Variants in SLA2 observed in about 807,000 individuals in gnomAD.
SLA2 encodes Src like adaptor 2.
Under a neutral mutation model 27.3 loss-of-function variants are expected in SLA2, and 22 were observed. The ratio of observed to expected loss-of-function variants is 0.81; its 90% confidence interval spans 0.58 to 1.15. The LOEUF (loss-of-function observed/expected upper bound fraction) is 1.15. Ranked by LOEUF, SLA2 falls within the 50% of genes most tolerant of loss-of-function variation. The probability of loss-of-function intolerance (pLI) is 0.00; values close to 1 mark genes in which losing one functional copy is unlikely to be tolerated. For missense variants in SLA2, 304 were observed against 322.2 expected, an observed-to-expected ratio of 0.94 and a Z score of 0.43; for synonymous variants, 131 against 137.8, an observed-to-expected ratio of 0.95 and a Z score of 0.34.
chr20:36,622,663 A>G (rs2039296631), intron 5 of SLA2, among the ~76,000 whole-genome samples: 1 of 152,084 alleles, frequency 6.6e-6, no homozygotes, highest in Non-Finnish European at 1.5e-5. Flanking sequence ...TCCCTTTTCC[A>G]GTTTCTAGAA....
In SLA2 at chr20:36,614,395, A is replaced by G. The variant is rs748168666; in HGVS notation, c.575T>C (p.Val192Ala). The change falls in exon 7 of 8, where the codon GTC (valine) becomes GCC (alanine). Residue 192 changes from valine (V) to alanine (A), a missense_variant. Coordinates refer to ENST00000262866, the MANE Select transcript of SLA2 (RefSeq NM_032214.4). ...DICCLLKEPC[V>A]LQRAGPLPGK... ...AGGGAGCGGGCCAGCCCTCTGCAGGACACAGGGCTCCTTGAGTAGGCAGCA... is the reference window on the plus strand; with the variant it reads ...AGGGAGCGGGCCAGCCCTCTGCAGGGCACAGGGCTCCTTGAGTAGGCAGCA... 5 of 1,613,516 alleles carry G rather than the reference A, an allele frequency of 3.1e-6. No individual in the cohort carries two copies. Among genetic ancestry groups the G allele is most frequent in the Admixed American group, 3.3e-5 (2 of 59,898 alleles).
In SLA2 at chr20:36,619,612, C is replaced by T. The variant is rs545344027; in HGVS notation, c.383-4238G>A. On this transcript the variant is annotated intron_variant, in intron 5 of 7. Transcript: ENST00000262866. ...CCTGGTCAACATAGAGACCCCCTTC[C>T]CATGTCTGTACAAATTTTTTTCTTT... 4.4e-4 allele frequency among the ~76,000 whole-genome samples: 66 copies of T among 151,656 alleles called. 1 individual carries two copies. The highest frequency in any genetic ancestry group is 1.6e-3 in the African/African-American group (66 of 41,346).
chr20:36,644,807 C>T lies in SLA2; in HGVS notation c.-44+1030G>A, dbSNP rs550101265. The stretch of plus-strand genomic sequence containing the variant: ...GCACTTTCCGGAGGACATGAGGCAT[C>T]GGGTGAAAGGAAAAAGTTAGTCAAC... On this transcript the variant is annotated intron_variant, in intron 1 of 7. Transcript: ENST00000262866. Among the ~76,000 whole-genome samples the T allele has an allele frequency of 1.1e-4, 16 of 150,258 alleles. No homozygotes were observed. The South Asian group carries it at 1.9e-3, about 18-fold the overall frequency.
chr20:36,639,812 G>A (rs922704822), intron 2 of SLA2, among the ~76,000 whole-genome samples: 1 of 151,562 alleles, frequency 6.6e-6, no homozygotes, highest in Non-Finnish European at 1.5e-5. Flanking sequence ...AGTCAGCCAA[G>A]ACTGTCCCAC....
At position 36,646,130 on chromosome 20, in the gene SLA2, G is replaced by C. The variant is rs1390060427; in HGVS notation, c.-337C>G. The C allele has an allele frequency of 2.0e-5, 3 of 152,304 alleles. No individual in the cohort carries two copies. The highest frequency in any genetic ancestry group is 2.4e-5 in the African/African-American group (1 of 41,446). 9.4% of individuals were successfully genotyped at this position (152,304 alleles called of 1,614,324 possible). Reference sequence around the variant, plus strand: ...AGCACAGCCGAGCCAGGGAGGGAAGGCCCAGGGCCCTTTGAGCTCTGTCAC... The same window carrying C: ...AGCACAGCCGAGCCAGGGAGGGAAGCCCCAGGGCCCTTTGAGCTCTGTCAC... On this transcript the variant is annotated 5_prime_UTR_variant, in exon 1 of 8. Transcript: ENST00000262866.
At position 36,614,334 on chromosome 20, in the gene SLA2, C is replaced by A; in HGVS notation, c.636G>T (p.Arg212Ser). ...CCAGCTCTTTCCAGTTGAGTGGTGT[C>A]CTCTGCACAGTCACAGGTAGGGGTA... ...KDIPLPVTVQ[R>S]TPLNWKELDS... Residue 212 changes from arginine (R) to serine (S), a missense_variant, in exon 7 of 8, where the codon AGG becomes AGT. Arg to Ser is a moderately radical substitution (Grantham distance 110). Coordinates refer to ENST00000262866, the MANE Select transcript of SLA2 (RefSeq NM_032214.4). 1.2e-6 allele frequency: 2 copies of A among 1,614,210 alleles called. No individual in the cohort carries two copies. The highest frequency in any genetic ancestry group is 8.5e-7 in the Non-Finnish European group (1 of 1,180,034).
chr20:36,619,876 C>T (rs2039261696), intron 5 of SLA2, among the ~76,000 whole-genome samples: 1 of 150,988 alleles, frequency 6.6e-6, no homozygotes, highest in Non-Finnish European at 1.5e-5. Flanking sequence ...TTGTGATCCA[C>T]CTGTCTCGGC....
chr20:36,643,954 C>T (rs893258121), intron 1 of SLA2, among the ~76,000 whole-genome samples: 1 of 151,698 alleles, frequency 6.6e-6, no homozygotes, highest in Admixed American at 6.6e-5. Flanking sequence ...TCTGTACCCC[C>T]CTCCCGCCCC....
Position 36,612,493 on chromosome 20 carries a change from C to G in SLA2, c.*1373G>C. ...GTCCATAGCACAGTACATGCAGCAT[C>G]TAATAAGAGTTTCCATTGTAGAATG... On this transcript the variant is annotated 3_prime_UTR_variant, in exon 8 of 8. Coordinates refer to ENST00000262866, the MANE Select transcript of SLA2 (RefSeq NM_032214.4). The G allele has an allele frequency of 2.0e-6, 1 of 490,652 alleles. No homozygotes were observed. Among genetic ancestry groups the G allele is most frequent in the South Asian group, 2.4e-5 (1 of 42,344 alleles). The allele number at this position is 490,652 out of a possible 1,614,324, so 30.4% of individuals were successfully genotyped here.
At chr20:36,644,300 G>A (rs1978285954) in intron 1 of SLA2, among the ~76,000 whole-genome samples, 1 of 152,224 alleles carries the variant, frequency 6.6e-6, no homozygotes, top group East Asian at 1.9e-4. Context: ...GGTAGCATGA[G>A]TGCCCACTTG....
At chr20:36,628,932 T>G (rs1461984655) in intron 5 of SLA2, among the ~76,000 whole-genome samples, 1 of 151,966 alleles carries the variant, frequency 6.6e-6, no homozygotes, top group East Asian at 1.9e-4. Flanking sequence ...ATTGGCAAAT[T>G]TCTTCTTTCT....
chr20:36,613,907 T>C lies in SLA2; in HGVS notation c.745A>G (p.Ile249Val), dbSNP rs777471190. 6.2e-7 allele frequency: 1 copy of C among 1,614,052 alleles called. No homozygotes were observed. Among genetic ancestry groups the C allele is most frequent in the Non-Finnish European group, 8.5e-7 (1 of 1,179,974 alleles). The change falls in exon 8 of 8, where the codon ATC (isoleucine) becomes GTC (valine). Residue 249 changes from isoleucine (I) to valine (V), a missense_variant. Transcript: ENST00000262866. The stretch of plus-strand genomic sequence containing the variant: ...GAGACAGCCTCGTCATTCAGGCTGA[T>C]GTAGAAGCTGAGGGACTCCCGGAGA... ...EGLRESLSFYISLNDEAVSLD... is the reference protein window; with the variant it reads ...EGLRESLSFYVSLNDEAVSLD...
Position 36,627,412 on chromosome 20 carries a change from C to T in SLA2, c.382+5183G>A, listed in dbSNP as rs556502828. 2.6e-5 allele frequency among the ~76,000 whole-genome samples: 4 copies of T among 152,220 alleles called. No homozygotes were observed. In the South Asian group the frequency reaches 8.3e-4, roughly 32 times the overall value. ...CCCTCCTGAACCTTCTCTGCTGAGGCCTCTAAGAAGCTTTAGGGATTGAAT... is the reference window on the plus strand; with the variant it reads ...CCCTCCTGAACCTTCTCTGCTGAGGTCTCTAAGAAGCTTTAGGGATTGAAT... On this transcript the variant is annotated intron_variant, in intron 5 of 7. Transcript: ENST00000262866.
intron 5 of SLA2, among the ~76,000 whole-genome samples, chr20:36,631,837 G>T (rs1258909576): frequency 6.6e-6 from 1 of 152,202 alleles, no homozygotes; most frequent in East Asian, 1.9e-4. Flanking sequence ...AGAAGCATTT[G>T]CTGAATGAAT....
In SLA2 at chr20:36,613,926, C is replaced by G. The variant is rs1300877268; in HGVS notation, c.726G>C (p.Arg242=). The change falls in exon 8 of 8, where the codon CGG becomes CGC. Residue 242 remains arginine, a synonymous_variant. Coordinates refer to ENST00000262866, the MANE Select transcript of SLA2 (RefSeq NM_032214.4). Reference sequence around the variant, plus strand: ...GGCTGATGTAGAAGCTGAGGGACTCCCGGAGACCCTCACTGAGAAGAGACT... The same window carrying G: ...GGCTGATGTAGAAGCTGAGGGACTCGCGGAGACCCTCACTGAGAAGAGACT... ...GEESLLSEGL[R]ESLSFYISLN... 6.2e-7 allele frequency: 1 copy of G among 1,614,054 alleles called. No homozygotes were observed. The highest frequency in any genetic ancestry group is 8.5e-7 in the Non-Finnish European group (1 of 1,179,978).
At chr20:36,614,878 A>G in intron 6 of SLA2, 6 of 985,364 alleles carry the variant, frequency 6.1e-6, no homozygotes, top group Non-Finnish European at 7.2e-6. Context: ...GGCACCAGGA[A>G]GTACTAAGGA....
At position 36,612,324 on chromosome 20, in the gene SLA2, A is replaced by C. The variant is rs1228789064; in HGVS notation, c.*1542T>G. The C allele has an allele frequency of 3.6e-6, 4 of 1,100,948 alleles. No homozygotes were observed. Among genetic ancestry groups the C allele is most frequent in the African/African-American group, 1.6e-5 (1 of 64,374 alleles). The allele number at this position is 1,100,948 out of a possible 1,614,324, so 68.2% of individuals were successfully genotyped here. A position where few individuals can be genotyped will look rare whatever the true frequency, so the allele number is the denominator to read the frequency against. The stretch of plus-strand genomic sequence containing the variant: ...CATCAAGTAACAGCTATTATTTGCC[A>C]AGTGGAGCTGTCATTTAATTTGATG... On this transcript the variant is annotated 3_prime_UTR_variant, in exon 8 of 8. Transcript: ENST00000262866.
In SLA2 at chr20:36,641,350, G is replaced by C. The variant is rs767445448; in HGVS notation, c.-15C>G. ...AGACTTCCCATTGTTCCTCAGCAGA[G>C]CACTCAGAAGCACATCATCGAGGGA... On this transcript the variant is annotated 5_prime_UTR_variant, in exon 2 of 8. Coordinates refer to ENST00000262866, the MANE Select transcript of SLA2 (RefSeq NM_032214.4). The C allele has an allele frequency of 4.4e-6, 7 of 1,603,234 alleles. No homozygotes were observed. Among genetic ancestry groups the C allele is most frequent in the African/African-American group, 1.3e-5 (1 of 74,732 alleles).
At chr20:36,645,658 GT>G (rs1978287509) in intron 1 of SLA2, among the ~76,000 whole-genome samples, 178 bp downstream of exon 1, 1 of 152,148 alleles carries the variant, frequency 6.6e-6, no homozygotes, top group Non-Finnish European at 1.5e-5. Context: ...GTGAGTCTTG[GT>G]TCTTCTGGGA....
Sources: gnomAD v4.1 joint callset for allele counts (sites outside exome capture counted in the v4.1 genomes callset) on GRCh38, gnomAD v4.1.1 for gene constraint, MANE v1.5 for transcripts, NCBI Gene and HGNC (gene_info 2026-07-23, HGNC 2026-07-21) for gene names.